CDH13: variants seen among roughly 807,000 people sequenced by gnomAD.
CDH13 encodes cadherin 13, also known as cadherin-13.
In CDH13, 24 loss-of-function variants were observed where a neutral mutation model predicts 63.8. The observed-to-expected ratio is 0.38, with a 90% CI of 0.27 to 0.53. CDH13 has a LOEUF of 0.53. Ranked by LOEUF, CDH13 falls within the 20% of genes least tolerant of loss-of-function variation. The pLI is 0.85. For synonymous variants in CDH13, 503 were observed against 355.3 expected (o/e 1.42, Z -4.67); for missense variants, 1,049 against 903.1 (o/e 1.16, Z -2.07).
At position 82,864,874 on chromosome 16, in the gene CDH13, G is replaced by T. The variant is rs1374382678; in HGVS notation, c.157+6401G>T. Among the ~76,000 whole-genome samples the T allele has an allele frequency of 2.0e-5, 3 of 152,228 alleles. No individual in the cohort carries two copies. In the South Asian group the frequency reaches 6.2e-4, roughly 32 times the overall value. ...CAAGGCAAGTCCCTTCCACCTAGAG[G>T]CCTGTAAAATCAAGTTAGCTGCTTC... On this transcript the variant is annotated intron_variant, in intron 2 of 13. Coordinates refer to ENST00000567109, the MANE Select transcript of CDH13 (RefSeq NM_001257.5).
At chr16:82,718,385 C>G (rs888690636) in intron 1 of CDH13, among the ~76,000 whole-genome samples, 2 of 152,162 alleles carry the variant, frequency 1.3e-5, no homozygotes, top group Non-Finnish European at 2.9e-5. Flanking sequence ...GCTGACAGCT[C>G]TGCTGTAGAT....
chr16:83,403,630 A>G (rs1034012556), intron 6 of CDH13, among the ~76,000 whole-genome samples: 1 of 151,962 alleles, frequency 6.6e-6, no homozygotes, highest in Non-Finnish European at 1.5e-5. Context: ...CTCAAAAATA[A>G]TAATAATAAT....
chr16:82,755,512 T>C (rs2034579717), intron 1 of CDH13, among the ~76,000 whole-genome samples: 1 of 152,350 alleles, frequency 6.6e-6, no homozygotes, highest in Admixed American at 6.5e-5. Flanking sequence ...TTATTTCTGA[T>C]GATGTATCCC....
intron 11 of CDH13, among the ~76,000 whole-genome samples, chr16:83,779,405 T>TAAAAAA (rs1174439191): frequency 0.19 from 12,591 of 67,688 alleles, 4,893 homozygotes; most frequent in Non-Finnish European, 0.23. Context: ...AGACTCCATC[T>TAAAAAA]CAAAAAAAAA....
intron 1 of CDH13, among the ~76,000 whole-genome samples, chr16:82,737,288 C>T (rs975879228): frequency 2.0e-5 from 3 of 152,198 alleles, no homozygotes; most frequent in Admixed American, 6.5e-5. Context: ...AGATGGAGCC[C>T]TCTCCCATGT....
At chr16:83,265,067 A>C (rs1164455682) in intron 5 of CDH13, among the ~76,000 whole-genome samples, 2 of 152,204 alleles carry the variant, frequency 1.3e-5, no homozygotes, top group Admixed American at 1.3e-4. Flanking sequence ...ATCCTATGCC[A>C]AACATTCCAA....
chr16:83,073,222 G>A (rs2032568151), intron 3 of CDH13, among the ~76,000 whole-genome samples: 1 of 152,078 alleles, frequency 6.6e-6, no homozygotes, highest in Non-Finnish European at 1.5e-5. Flanking sequence ...TCTGGTTCCA[G>A]AGCTTGCACG....
At chr16:83,546,754 C>T (rs893173141) in intron 7 of CDH13, among the ~76,000 whole-genome samples, 1 of 152,128 alleles carries the variant, frequency 6.6e-6, no homozygotes, top group African/African-American at 2.4e-5. Context: ...AACAGCAGTG[C>T]CCTTCCATAG....
At chr16:83,621,187 G>C (rs1365760220) in intron 8 of CDH13, among the ~76,000 whole-genome samples, 1 of 152,164 alleles carries the variant, frequency 6.6e-6, no homozygotes, top group Admixed American at 6.5e-5. Flanking sequence ...TCCCGTGAAA[G>C]GATTAGCAAT....
chr16:83,696,116 C>T (rs541204891), intron 10 of CDH13, among the ~76,000 whole-genome samples: 39 of 152,212 alleles, frequency 2.6e-4, no homozygotes, highest in African/African-American at 8.2e-4. Flanking sequence ...TTCTCAAACT[C>T]CTGGGCTCAA....
chr16:83,118,675 A>G (rs1239836933), intron 3 of CDH13, among the ~76,000 whole-genome samples: 2 of 151,992 alleles, frequency 1.3e-5, no homozygotes, highest in African/African-American at 4.8e-5. Flanking sequence ...GAGAGTGCAG[A>G]CCACTTTCAC....
Position 82,752,463 on chromosome 16 carries a change from A to G in CDH13, c.46-105899A>G, listed in dbSNP as rs189524110. Among the ~76,000 whole-genome samples the G allele has an allele frequency of 7.2e-5, 11 of 152,352 alleles. No homozygotes were observed. The East Asian group carries it at 9.6e-4, about 13-fold the overall frequency. Reference sequence around the variant, plus strand: ...CTTCATTTCCTAAATGAATTAGTCCAGAGCCCTGTTTTGAACAGATGCCTG... The same window carrying G: ...CTTCATTTCCTAAATGAATTAGTCCGGAGCCCTGTTTTGAACAGATGCCTG... On this transcript the variant is annotated intron_variant, in intron 1 of 13. Coordinates refer to ENST00000567109, the MANE Select transcript of CDH13 (RefSeq NM_001257.5).
At chr16:83,428,254 C>G (rs915456963) in intron 6 of CDH13, among the ~76,000 whole-genome samples, 8 of 152,060 alleles carry the variant, frequency 5.3e-5, no homozygotes, top group African/African-American at 1.9e-4. Flanking sequence ...CTGAGAAACA[C>G]AGGAAAAACA....
intron 3 of CDH13, among the ~76,000 whole-genome samples, chr16:83,097,138 A>C (rs773660523): frequency 4.6e-5 from 7 of 152,200 alleles, no homozygotes; most frequent in Non-Finnish European, 2.9e-5. Context: ...TGATATCACC[A>C]TAAAGGAGGA....
chr16:83,461,509 G>C (rs891633835), intron 6 of CDH13, among the ~76,000 whole-genome samples: 2 of 152,168 alleles, frequency 1.3e-5, no homozygotes, highest in African/African-American at 2.4e-5. Flanking sequence ...TCACTAAATT[G>C]AGGTGAGACC....
chr16:83,708,644 G>T (rs1001305389), intron 10 of CDH13, among the ~76,000 whole-genome samples: 1 of 152,168 alleles, frequency 6.6e-6, no homozygotes, highest in Non-Finnish European at 1.5e-5. Context: ...ACAGTAAAAA[G>T]GACTCTGCAG....
At chr16:83,544,910 G>A (rs571184079) in intron 7 of CDH13, among the ~76,000 whole-genome samples, 3 of 152,086 alleles carry the variant, frequency 2.0e-5, no homozygotes, top group South Asian at 4.1e-4. Flanking sequence ...TCTTCTCCCC[G>A]TTAGCCGTCA....
At chr16:83,181,053 C>G in intron 4 of CDH13, 3 of 1,469,482 alleles carry the variant, frequency 2.0e-6, no homozygotes, top group Non-Finnish European at 2.7e-6. Context: ...TCCATTTTCT[C>G]TACAGAATGA....
In CDH13 at chr16:83,561,309, G is replaced by T. The variant is rs571582790; in HGVS notation, c.961-41145G>T. Among the ~76,000 whole-genome samples the T allele has an allele frequency of 2.8e-4, 43 of 151,892 alleles. No individual in the cohort carries two copies. The East Asian group carries it at 8.0e-3, about 28-fold the overall frequency. On this transcript the variant is annotated intron_variant, in intron 7 of 13. Coordinates refer to ENST00000567109, the MANE Select transcript of CDH13 (RefSeq NM_001257.5). Reference sequence around the variant, plus strand: ...TAAAAAAAAAAAATTAGCCAGGTGTGGTGACGCATGGGAGGCTGAGGCAGG... The same window carrying T: ...TAAAAAAAAAAAATTAGCCAGGTGTTGTGACGCATGGGAGGCTGAGGCAGG...
Sources: gnomAD v4.1 joint callset for allele counts (sites outside exome capture counted in the v4.1 genomes callset) on GRCh38, gnomAD v4.1.1 for gene constraint, MANE v1.5 for transcripts, NCBI Gene and HGNC (gene_info 2026-07-23, HGNC 2026-07-21) for gene names.